Variants in PLXDC2 observed in about 807,000 individuals in gnomAD.
The protein encoded by PLXDC2 is plexin domain-containing protein 2.
PLXDC2 carries 40 observed loss-of-function variants against 68.9 expected under a neutral mutation model. The ratio of observed to expected loss-of-function variants is 0.58; its 90% CI spans 0.45 to 0.76. The LOEUF is 0.76. Among genes scored for constraint, PLXDC2 ranks in the 30% least tolerant of loss-of-function variants. PLXDC2 has a pLI of 0.00. For synonymous variants in PLXDC2, 243 were observed against 234.2 expected (o/e 1.04, Z -0.34); for missense variants, 644 against 661.9 (o/e 0.97, Z 0.30).
intron 1 of PLXDC2, among the ~76,000 whole-genome samples, chr10:19,977,385 G>C (rs542344968): frequency 3.3e-5 from 5 of 152,276 alleles, no homozygotes; most frequent in Non-Finnish European, 5.9e-5. Context: ...CATTGCCCTG[G>C]AGAACAATCT....
At position 20,275,331 on chromosome 10, in the gene PLXDC2, C is replaced by T. The variant is rs560235051; in HGVS notation, c.1474-4372C>T. ...CCTGGGAGCCTGTGAGAAACACAGA[C>T]CCCCTAGGCCTCTCTGAGATCTATT... On this transcript the variant is annotated intron_variant, in intron 13 of 13. Coordinates refer to ENST00000377252, the MANE Select transcript of PLXDC2 (RefSeq NM_032812.9). 1.2e-3 allele frequency among the ~76,000 whole-genome samples: 179 copies of T among 152,232 alleles called. 2 individuals are homozygous for T. In the South Asian group the frequency reaches 0.024, roughly 20 times the overall value.
intron 13 of PLXDC2, among the ~76,000 whole-genome samples, chr10:20,258,804 G>A (rs1835775083): frequency 2.0e-5 from 3 of 151,978 alleles, no homozygotes; most frequent in African/African-American, 4.8e-5. Context: ...TCAGGAGATC[G>A]AGACCATCCT....
At chr10:20,062,287 G>A (rs1836119535) in intron 3 of PLXDC2, among the ~76,000 whole-genome samples, 1 of 152,188 alleles carries the variant, frequency 6.6e-6, no homozygotes, top group Admixed American at 6.5e-5. Context: ...AGCTGGGTAT[G>A]GTGGCGCATG....
chr10:20,148,917 G>A (rs1483905829), intron 6 of PLXDC2, among the ~76,000 whole-genome samples: 1 of 152,064 alleles, frequency 6.6e-6, no homozygotes, highest in Non-Finnish European at 1.5e-5. Context: ...AATTAAATAG[G>A]CCAACTTTTA....
At chr10:19,905,496 C>T (rs950182600) in intron 1 of PLXDC2, among the ~76,000 whole-genome samples, 7 of 152,176 alleles carry the variant, frequency 4.6e-5, no homozygotes, top group Non-Finnish European at 8.8e-5. Context: ...AGGAGGCATT[C>T]TGAGTAAGTG....
At chr10:19,881,995 G>A (rs542549858) in intron 1 of PLXDC2, among the ~76,000 whole-genome samples, 1 of 152,242 alleles carries the variant, frequency 6.6e-6, no homozygotes, top group South Asian at 2.1e-4. Flanking sequence ...AGATATTTTG[G>A]AAAGGTTTTG....
At chr10:19,938,491 G>C (rs1256965783) in intron 1 of PLXDC2, among the ~76,000 whole-genome samples, 1 of 152,128 alleles carries the variant, frequency 6.6e-6, no homozygotes, top group Admixed American at 6.5e-5. Flanking sequence ...CACGGCAGGA[G>C]CAGGACTGAG....
intron 9 of PLXDC2, among the ~76,000 whole-genome samples, chr10:20,207,795 A>G (rs570316307): frequency 6.6e-5 from 10 of 152,128 alleles, no homozygotes; most frequent in Non-Finnish European, 1.5e-4. Context: ...TTTACTCCAC[A>G]CTTAAGCTTG....
intron 4 of PLXDC2, among the ~76,000 whole-genome samples, chr10:20,070,569 G>A (rs1055793673): frequency 6.6e-6 from 1 of 152,098 alleles, no homozygotes; most frequent in Non-Finnish European, 1.5e-5. Context: ...TTGTTGAAGG[G>A]TTAAATGAAA....
chr10:20,107,774 C>CT (rs1249160284), intron 4 of PLXDC2, among the ~76,000 whole-genome samples: 1 of 152,024 alleles, frequency 6.6e-6, no homozygotes, highest in Non-Finnish European at 1.5e-5. Context: ...TTTGCTGTTT[C>CT]TTTTTCCTCA....
intron 7 of PLXDC2, among the ~76,000 whole-genome samples, chr10:20,174,533 G>A (rs1834499124): frequency 6.6e-6 from 1 of 152,000 alleles, no homozygotes; most frequent in African/African-American, 2.4e-5. Flanking sequence ...GCCCCAAAAG[G>A]GTTTGCTTCG....
At chr10:20,030,013 C>T (rs1376536450) in intron 2 of PLXDC2, among the ~76,000 whole-genome samples, 1 of 152,092 alleles carries the variant, frequency 6.6e-6, no homozygotes, top group East Asian at 1.9e-4. Flanking sequence ...GGAAGATTTA[C>T]ACTGCTAAAA....
At position 20,229,338 on chromosome 10, in the gene PLXDC2, GAAACAGGAATGGGAAGGAAGCCAACT is replaced by G. The variant is rs1180895344; in HGVS notation, c.1312+10237_1312+10262del. Among the ~76,000 whole-genome samples the G allele has an allele frequency of 2.0e-5, 3 of 152,034 alleles. No individual in the cohort carries two copies. The East Asian group carries it at 5.8e-4, about 29-fold the overall frequency. On this transcript the variant is annotated intron_variant, in intron 12 of 13. Transcript: ENST00000377252. ...AGGAGTTGAAAGACCCATAAAACAT[GAAACAGGAATGGGAAGGAAGCCAACT>G]GCTGATGTGTAAAAGGCCCATCAGG...
In PLXDC2 at chr10:20,284,352, C is replaced by CACAA. The variant is rs1491025117; in HGVS notation, c.*4534_*4535insCAAA. On this transcript the variant is annotated 3_prime_UTR_variant, in exon 14 of 14. Coordinates refer to ENST00000377252, the MANE Select transcript of PLXDC2 (RefSeq NM_032812.9). ...ATATACACACACACACACACACACA[C>CACAA]AAATATACATATATATCAAATATAT... The CACAA allele has an allele frequency of 1.8e-4, 23 of 130,122 alleles. No individual in the cohort carries two copies. The highest frequency in any genetic ancestry group is 6.3e-4 in the African/African-American group (21 of 33,538). 8.1% of individuals were successfully genotyped at this position (130,122 alleles called of 1,614,324 possible).
At chr10:19,937,490 C>T (rs1233737157) in intron 1 of PLXDC2, among the ~76,000 whole-genome samples, 1 of 147,004 alleles carries the variant, frequency 6.8e-6, no homozygotes, top group Non-Finnish European at 1.5e-5. Flanking sequence ...CATCTGTGTT[C>T]CCATGGTTAT....
rs1254636391 is a variant in PLXDC2 at position 19,816,822 on chromosome 10, T to C, written c.-258T>C. 1.1e-5 allele frequency: 6 copies of C among 543,936 alleles called. No homozygotes were observed. The highest frequency in any genetic ancestry group is 2.0e-5 in the Non-Finnish European group (6 of 306,092). 33.7% of individuals were successfully genotyped at this position (543,936 alleles called of 1,614,324 possible). On this transcript the variant is annotated 5_prime_UTR_variant, in exon 1 of 14. Transcript: ENST00000377252. ...TGGCCTCTCCTCCCCGCGGTTGTTG[T>C]TCAGTGTCGGGTGAGGGCTGCGAGT...
chr10:19,866,647 G>A (rs1837422249), intron 1 of PLXDC2, among the ~76,000 whole-genome samples: 2 of 152,140 alleles, frequency 1.3e-5, no homozygotes, highest in Non-Finnish European at 2.9e-5. Context: ...ACTGACACCA[G>A]GATTTGCAGC....
At chr10:20,198,668 A>G (rs1589676869) in intron 9 of PLXDC2, among the ~76,000 whole-genome samples, 2 of 152,052 alleles carry the variant, frequency 1.3e-5, no homozygotes, top group South Asian at 4.1e-4. Context: ...CCAACATCAT[A>G]AAAAAATTAT....
chr10:19,954,684 T>G (rs2131597833), intron 1 of PLXDC2, among the ~76,000 whole-genome samples: 1 of 152,358 alleles, frequency 6.6e-6, no homozygotes, highest in Admixed American at 6.5e-5. Flanking sequence ...TATTTTTAAC[T>G]TAGACTGATG....
Sources: allele counts gnomAD v4.1 joint callset (sites outside exome capture counted in the v4.1 genomes callset), GRCh38; gene constraint gnomAD v4.1.1; transcripts MANE v1.5; gene names NCBI Gene and HGNC (gene_info 2026-07-23, HGNC 2026-07-21).